The following PLXNA4 variants were observed in gnomAD, a reference collection of about 807,000 sequenced individuals.
PLXNA4 encodes the protein plexin-A4.
PLXNA4 carries 44 observed loss-of-function variants against 191.8 expected under a neutral mutation model. That is an observed-to-expected ratio of 0.23 (90% CI 0.18 to 0.29). PLXNA4 has a LOEUF of 0.29. Ranked by LOEUF, PLXNA4 falls within the 10% of genes least tolerant of loss-of-function variation. The probability of loss-of-function intolerance (pLI) is 1.00; values close to 1 mark genes in which losing one functional copy is unlikely to be tolerated. For synonymous variants in PLXNA4, 1,082 were observed against 1,009.5 expected, an observed-to-expected ratio of 1.07 and a Z score of -1.36; for missense variants, 1,800 against 2,488.8, an observed-to-expected ratio of 0.72 and a Z score of 5.89.
At chr7:132,517,584 TG>T (rs1274110962) in intron 1 of PLXNA4, among the ~76,000 whole-genome samples, 11 of 152,194 alleles carry the variant, frequency 7.2e-5, no homozygotes, top group Non-Finnish European at 1.5e-4. Flanking sequence ...AACGTAATGC[TG>T]GGGGGCTCCA....
chr7:132,204,371 C>T (rs563481186), intron 10 of PLXNA4, among the ~76,000 whole-genome samples: 1 of 152,316 alleles, frequency 6.6e-6, no homozygotes, highest in African/African-American at 2.4e-5. Flanking sequence ...GCAGCAATTT[C>T]CAACCCCTAC....
At chr7:132,242,390 G>A (rs1478049341) in intron 4 of PLXNA4, among the ~76,000 whole-genome samples, 1 of 152,168 alleles carries the variant, frequency 6.6e-6, no homozygotes, top group Admixed American at 6.5e-5. Context: ...TATGGGGCAT[G>A]TGCCTCTGTA....
intron 3 of PLXNA4, among the ~76,000 whole-genome samples, chr7:132,338,739 G>T (rs1802913187): frequency 6.6e-6 from 1 of 152,122 alleles, no homozygotes; most frequent in Admixed American, 6.5e-5. Context: ...GGTCTGTGGG[G>T]ATGCAGCACT....
intron 29 of PLXNA4, among the ~76,000 whole-genome samples, chr7:132,141,886 C>G (rs1343909619): frequency 6.6e-6 from 1 of 152,146 alleles, no homozygotes; most frequent in Non-Finnish European, 1.5e-5. Context: ...GCCATCACCA[C>G]ACTCAGCTAA....
At position 132,208,046 on chromosome 7, in the gene PLXNA4, T is replaced by C. The variant is rs933464723; in HGVS notation, c.2298+2897A>G. 1.2e-4 allele frequency among the ~76,000 whole-genome samples: 19 copies of C among 152,318 alleles called. No individual in the cohort carries two copies. In the South Asian group the frequency reaches 3.3e-3, roughly 27 times the overall value. Reference sequence around the variant, plus strand: ...GTAGATACCCTCTCAGGTCTATTCTTGTCTGATGGTACCCTGTTTTCTGTA... The same window carrying C: ...GTAGATACCCTCTCAGGTCTATTCTCGTCTGATGGTACCCTGTTTTCTGTA... On this transcript the variant is annotated intron_variant, in intron 10 of 31. Coordinates refer to ENST00000321063, the MANE Select transcript of PLXNA4 (RefSeq NM_020911.2).
intron 2 of PLXNA4, among the ~76,000 whole-genome samples, chr7:132,602,645 A>G (rs1401098602): frequency 5.9e-5 from 9 of 152,220 alleles, no homozygotes. Flanking sequence ...GAGCTTGCAG[A>G]AAAGACATTT....
intron 3 of PLXNA4, among the ~76,000 whole-genome samples, chr7:132,319,808 G>A (rs1802093047): frequency 6.6e-6 from 1 of 151,902 alleles, no homozygotes; most frequent in South Asian, 2.1e-4. Context: ...TCCCAGCCAT[G>A]GGGCTTTGCT....
intron 5 of PLXNA4, among the ~76,000 whole-genome samples, chr7:132,231,554 A>G (rs912343462): frequency 1.3e-5 from 2 of 152,188 alleles, no homozygotes; most frequent in Non-Finnish European, 2.9e-5. Flanking sequence ...CCTCCCAAGT[A>G]GCTGGGACTA....
At chr7:132,330,043 G>T (rs887503282) in intron 3 of PLXNA4, among the ~76,000 whole-genome samples, 1 of 152,190 alleles carries the variant, frequency 6.6e-6, no homozygotes, top group African/African-American at 2.4e-5. Flanking sequence ...AAAGTGCCAC[G>T]GACATGCAGG....
chr7:132,325,237 G>T (rs764261031), intron 3 of PLXNA4, among the ~76,000 whole-genome samples: 1 of 152,192 alleles, frequency 6.6e-6, no homozygotes, highest in Non-Finnish European at 1.5e-5. Context: ...TGTGAACGAG[G>T]TTGCCTCAGA....
At chr7:132,219,697 A>G (rs914093020) in intron 9 of PLXNA4, among the ~76,000 whole-genome samples, 1 of 152,182 alleles carries the variant, frequency 6.6e-6, no homozygotes, top group African/African-American at 2.4e-5. Context: ...ATCTTCCCAG[A>G]AAAATATACA....
chr7:132,286,859 T>TC (rs1800701448), intron 4 of PLXNA4, among the ~76,000 whole-genome samples: 1 of 152,146 alleles, frequency 6.6e-6, no homozygotes, highest in African/African-American at 2.4e-5. Context: ...GGGCCCTCCA[T>TC]CCCCTGGAAG....
At chr7:132,368,581 G>A (rs781446552) in intron 3 of PLXNA4, among the ~76,000 whole-genome samples, 3 of 152,164 alleles carry the variant, frequency 2.0e-5, no homozygotes, top group Non-Finnish European at 4.4e-5. Flanking sequence ...TCTAGAGTGG[G>A]GCCCTCAGCT....
chr7:132,406,191 T>C (rs1021085268), intron 3 of PLXNA4, among the ~76,000 whole-genome samples: 7 of 152,198 alleles, frequency 4.6e-5, no homozygotes, highest in Non-Finnish European at 8.8e-5. Context: ...TCTGCATCCT[T>C]CCAATGACTA....
At chr7:132,535,741 C>T (rs756284951) in intron 1 of PLXNA4, among the ~76,000 whole-genome samples, 1 of 151,286 alleles carries the variant, frequency 6.6e-6, no homozygotes, top group Non-Finnish European at 1.5e-5. Flanking sequence ...GCAGGCCACA[C>T]AGGCAGGATC....
intron 3 of PLXNA4, among the ~76,000 whole-genome samples, chr7:132,449,891 A>T (rs1287090148): frequency 1.3e-5 from 2 of 152,218 alleles, no homozygotes; most frequent in Non-Finnish European, 2.9e-5. Context: ...TATTTTGGAA[A>T]ATGCTCATGC....
At chr7:132,519,487 G>C (rs1171755050) in intron 1 of PLXNA4, among the ~76,000 whole-genome samples, 5 of 152,208 alleles carry the variant, frequency 3.3e-5, no homozygotes, top group Non-Finnish European at 5.9e-5. Context: ...GTCACCACAG[G>C]CTGGGGATAG....
chr7:132,603,799 G>C (rs1402393691), intron 2 of PLXNA4, among the ~76,000 whole-genome samples: 2 of 152,138 alleles, frequency 1.3e-5, no homozygotes, highest in Non-Finnish European at 2.9e-5. Flanking sequence ...GTATGGTTTT[G>C]AATTTTAAAA....
intron 1 of PLXNA4, among the ~76,000 whole-genome samples, chr7:132,573,669 C>G (rs1055430809): frequency 6.9e-6 from 1 of 145,572 alleles, no homozygotes; most frequent in African/African-American, 2.5e-5. Context: ...AGAAAGGAAA[C>G]AAGTTGACTG....
Sources: gnomAD v4.1 joint callset for allele counts (sites outside exome capture counted in the v4.1 genomes callset) on GRCh38, gnomAD v4.1.1 for gene constraint, MANE v1.5 for transcripts, NCBI Gene and HGNC (gene_info 2026-07-23, HGNC 2026-07-21) for gene names.